Variants in KLC1 observed in about 807,000 individuals in gnomAD.
KLC1 encodes kinesin light chain 1.
In KLC1, 30 loss-of-function variants were observed where a neutral mutation model predicts 84.2. That is an observed-to-expected ratio of 0.36 (90% confidence interval 0.27 to 0.48). The LOEUF (loss-of-function observed/expected upper bound fraction) is 0.48, where lower values mean the gene tolerates loss of function less well. Among genes scored for constraint, KLC1 ranks in the 20% least tolerant of loss-of-function variants. KLC1 has a pLI of 0.99. For synonymous variants in KLC1, 289 were observed against 293.3 expected, an observed-to-expected ratio of 0.99 and a Z score of 0.15; for missense variants, 499 against 805.4, an observed-to-expected ratio of 0.62 and a Z score of 4.60.
chr14:103,677,233 G>A (rs2080979969), intron 11 of KLC1, among the ~76,000 whole-genome samples, 182 bp from the exon 12 acceptor site: 1 of 152,204 alleles, frequency 6.6e-6, no homozygotes, highest in Non-Finnish European at 1.5e-5. Flanking sequence ...GGTCATGGGA[G>A]GTAGAGCTAC....
At chr14:103,648,275 A>G (rs543530066) in intron 1 of KLC1, among the ~76,000 whole-genome samples, 1 of 152,310 alleles carries the variant, frequency 6.6e-6, no homozygotes, top group South Asian at 2.1e-4. Flanking sequence ...TGACATTTTA[A>G]AAAGAGTAAA....
At position 103,698,233 on chromosome 14, in the gene KLC1, G is replaced by T. The variant is rs140813869; in HGVS notation, c.1849-2422G>T. ...TTGTACCACACTGAAGTTTTGTGGG[G>T]CACAGTGTGTGCCGAGGTGGGGCCC... is the stretch of plus-strand genomic sequence containing the variant. On this transcript the variant is annotated intron_variant, in intron 15 of 16. Transcript: ENST00000334553. 613 of 173,612 alleles carry T rather than the reference G, an allele frequency of 3.5e-3. 4 individuals carry two copies. Among genetic ancestry groups the T allele is most frequent in the African/African-American group, 0.014 (587 of 41,868 alleles). 10.8% of individuals were successfully genotyped at this position (173,612 alleles called of 1,614,324 possible).
At chr14:103,648,692 G>A (rs116132129) in intron 1 of KLC1, among the ~76,000 whole-genome samples, 2,615 of 152,256 alleles carry the variant, frequency 0.017, 68 homozygotes, top group African/African-American at 0.056. Context: ...TCCCAACTAC[G>A]TGGGAGACTG....
intron 13 of KLC1, chr14:103,683,896 G>A (rs1595543623): frequency 6.6e-6 from 1 of 152,346 alleles, no homozygotes; most frequent in Non-Finnish European, 1.5e-5. Flanking sequence ...TGACAATAAG[G>A]GCTGGACGAG....
Position 103,694,689 on chromosome 14 carries a change from C to T in KLC1, c.1848+2264C>T, listed in dbSNP as rs934742509. ...GGATGGAGGGGCGGTCTGTGAAACA[C>T]CAGCCATCCCGTGAAAGCTCAGCTT... On this transcript the variant is annotated intron_variant, in intron 15 of 16. Coordinates refer to ENST00000334553, the MANE Select transcript of KLC1 (RefSeq NM_001394837.1). This position sits in a 1 kb window ranked among gnomAD's most constrained non-coding sequence, Gnocchi z 4.5. The T allele has an allele frequency of 1.0e-6, 1 of 985,484 alleles. No individual in the cohort carries two copies. Among genetic ancestry groups the T allele is most frequent in the South Asian group, 4.7e-5 (1 of 21,294 alleles). 61.0% of individuals were successfully genotyped at this position (985,484 alleles called of 1,614,324 possible).
chr14:103,639,867 A>AC (rs2077353728), intron 1 of KLC1, among the ~76,000 whole-genome samples: 1 of 152,078 alleles, frequency 6.6e-6, no homozygotes, highest in Admixed American at 6.6e-5. Flanking sequence ...CCAGTGATAC[A>AC]CCTCAGCCTC....
chr14:103,640,277 C>T (rs2077379603), intron 1 of KLC1, among the ~76,000 whole-genome samples: 3 of 151,586 alleles, frequency 2.0e-5, no homozygotes, highest in Admixed American at 6.6e-5. Flanking sequence ...CCAGGCTGGT[C>T]TCGATCTCCT....
intron 16 of KLC1, 79 bp downstream of exon 16, chr14:103,700,806 A>C: frequency 8.3e-7 from 1 of 1,201,824 alleles, no homozygotes. Flanking sequence ...GACTGGGGGG[A>C]GCTGGGGATG....
At chr14:103,666,504 C>T (rs748920714) in intron 5 of KLC1, among the ~76,000 whole-genome samples, 4 of 152,146 alleles carry the variant, frequency 2.6e-5, no homozygotes, top group Non-Finnish European at 4.4e-5. Flanking sequence ...GGTTTGGGAC[C>T]ACACCGGAGA....
chr14:103,694,894 C>A lies in KLC1; in HGVS notation c.1848+2469C>A, dbSNP rs1031459653. 1 of 985,484 alleles carries A rather than the reference C, an allele frequency of 1.0e-6. No homozygotes were observed. The highest frequency in any genetic ancestry group is 1.2e-6 in the Non-Finnish European group (1 of 829,940). The allele number at this position is 985,484 out of a possible 1,614,324, so 61.0% of individuals were successfully genotyped here. A position where few individuals can be genotyped will look rare whatever the true frequency, so the allele number is the denominator to read the frequency against. On this transcript the variant is annotated intron_variant, in intron 15 of 16. Coordinates refer to ENST00000334553, the MANE Select transcript of KLC1 (RefSeq NM_001394837.1). The surrounding 1 kb of genome is among the most constrained non-coding windows in gnomAD (Gnocchi z 4.5). Reference sequence around the variant, plus strand: ...CATCCCGCCTCATGTCGCAGGACTGCTGTGTTTGTGAAAGCGCGTTTGTTT... The same window carrying A: ...CATCCCGCCTCATGTCGCAGGACTGATGTGTTTGTGAAAGCGCGTTTGTTT...
Position 103,695,718 on chromosome 14 carries a change from T to C in KLC1, c.1848+3293T>C, listed in dbSNP as rs554501673. 5 of 985,452 alleles carry C rather than the reference T, an allele frequency of 5.1e-6. No individual in the cohort carries two copies. In the South Asian group the frequency reaches 1.9e-4, roughly 37 times the overall value. 61.0% of individuals were successfully genotyped at this position (985,452 alleles called of 1,614,324 possible). A position where few individuals can be genotyped will look rare whatever the true frequency, so the allele number is the denominator to read the frequency against. On this transcript the variant is annotated intron_variant, in intron 15 of 16. Coordinates refer to ENST00000334553, the MANE Select transcript of KLC1 (RefSeq NM_001394837.1). Reference sequence around the variant, plus strand: ...GGTTGTGTGGGGCCTCTGTGGAGCCTGCTGTGGCTTCCAGCCATGGGACTT... The same window carrying C: ...GGTTGTGTGGGGCCTCTGTGGAGCCCGCTGTGGCTTCCAGCCATGGGACTT...
At chr14:103,664,085 T>C (rs2079539086) in intron 5 of KLC1, among the ~76,000 whole-genome samples, 1 of 152,178 alleles carries the variant, frequency 6.6e-6, no homozygotes, top group African/African-American at 2.4e-5. Context: ...GCAGCAGGGT[T>C]TCGTGGACAT....
At chr14:103,675,527 C>A (rs780818284) in intron 9 of KLC1, 25 bp from the exon 10 acceptor site, 11 of 1,604,834 alleles carry the variant, frequency 6.9e-6, no homozygotes, top group Non-Finnish European at 1.7e-6. Context: ...GATGCTCAAC[C>A]TGTATGCTGT....
At chr14:103,669,262 C>T (rs1195856612) in intron 5 of KLC1, among the ~76,000 whole-genome samples, 3 of 151,412 alleles carry the variant, frequency 2.0e-5, no homozygotes, top group African/African-American at 7.3e-5. Context: ...TGGTGAAATC[C>T]CGTCTCTACT....
chr14:103,669,696 T>TTC, intron 6 of KLC1, 98 bp downstream of exon 6: 1 of 849,926 alleles, frequency 1.2e-6, no homozygotes, highest in Non-Finnish European at 2.0e-6. Context: ...CAGGGAAAGT[T>TTC]TAAGTGCTGC....
rs1195054554 is a variant in KLC1 at position 103,673,206 on chromosome 14, A to C, written c.1161+19A>C. 6.2e-7 allele frequency: 1 copy of C among 1,603,230 alleles called. No individual in the cohort carries two copies. The highest frequency in any genetic ancestry group is 8.5e-7 in the Non-Finnish European group (1 of 1,175,732). ...TAACCTGGTGTGTTGACTGCACAGC[A>C]CTAGGGAGGGGGCCAGGAGTGCTTT... On this transcript the variant is annotated intron_variant, in intron 8 of 16. Coordinates refer to ENST00000334553, the MANE Select transcript of KLC1 (RefSeq NM_001394837.1).
At chr14:103,646,117 C>G (rs2077902691) in intron 1 of KLC1, among the ~76,000 whole-genome samples, 1 of 152,096 alleles carries the variant, frequency 6.6e-6, no homozygotes, top group Non-Finnish European at 1.5e-5. Context: ...ACCAAAATGT[C>G]ATTATACTGC....
At chr14:103,692,247 C>G in intron 14 of KLC1, 112 bp from the exon 15 acceptor site, 2 of 946,948 alleles carry the variant, frequency 2.1e-6, no homozygotes, top group South Asian at 3.0e-5. Flanking sequence ...GGCAAGGTCC[C>G]TAGAGCCCCC....
intron 13 of KLC1, among the ~76,000 whole-genome samples, chr14:103,684,464 C>G (rs1203013082): frequency 6.6e-6 from 1 of 152,232 alleles, no homozygotes; most frequent in East Asian, 1.9e-4. Context: ...CAGCCGCCGG[C>G]CTTCCCCCTG....
Sources: allele counts gnomAD v4.1 joint callset (sites outside exome capture counted in the v4.1 genomes callset), GRCh38; gene constraint gnomAD v4.1.1; non-coding constraint Gnocchi (gnomAD v3.1); transcripts MANE v1.5; gene names NCBI Gene and HGNC (gene_info 2026-07-23, HGNC 2026-07-21).